CDC42SE2: variants seen among roughly 807,000 people sequenced by gnomAD.
CDC42SE2 encodes the protein CDC42 small effector protein 2.
CDC42SE2 carries 3 observed loss-of-function variants against 11.5 expected under a neutral mutation model. That is an observed-to-expected ratio of 0.26 (90% CI 0.12 to 0.67). The LOEUF is 0.67. CDC42SE2 is among the 30% of genes least tolerant of loss of function. The probability of loss-of-function intolerance (pLI) is 0.80; values close to 1 mark genes in which losing one functional copy is unlikely to be tolerated. For synonymous variants in CDC42SE2, 33 were observed against 34.8 expected (o/e 0.95, Z 0.18); for missense variants, 82 against 106.8 (o/e 0.77, Z 1.02).
At chr5:131,319,089 G>A (rs1050811801) in intron 2 of CDC42SE2, among the ~76,000 whole-genome samples, 1 of 152,134 alleles carries the variant, frequency 6.6e-6, no homozygotes, top group Admixed American at 6.6e-5. Flanking sequence ...ATTTTTAGTA[G>A]AGACGGGGTT....
At position 131,247,216 on chromosome 5, in the gene CDC42SE2, G is replaced by A. The variant is rs556008962; in HGVS notation, n.107+1617G>A. 4.5e-4 allele frequency among the ~76,000 whole-genome samples: 68 copies of A among 152,152 alleles called. 1 individual carries two copies. The highest frequency in any genetic ancestry group is 8.7e-4 in the Non-Finnish European group (59 of 68,022). ...ATATTAGCAAATCAAATCCAACAATGTATTTTAAAAAGGTAATATCCTACA... is the reference window on the plus strand; with the variant it reads ...ATATTAGCAAATCAAATCCAACAATATATTTTAAAAAGGTAATATCCTACA... On this transcript the variant is annotated intron_variant and non_coding_transcript_variant, in intron 1 of 3. Transcript: ENST00000502840.
At chr5:131,246,467 T>C (rs1756584341) in intron 1 of CDC42SE2, among the ~76,000 whole-genome samples, 3 of 152,138 alleles carry the variant, frequency 2.0e-5, no homozygotes, top group Middle Eastern at 3.4e-3. Flanking sequence ...AAAAATAAAA[T>C]AAAATAAAAA....
At chr5:131,254,239 T>A (rs1034226543) in intron 1 of CDC42SE2, among the ~76,000 whole-genome samples, 1 of 152,048 alleles carries the variant, frequency 6.6e-6, no homozygotes, top group East Asian at 1.9e-4. Flanking sequence ...TTTTCACATG[T>A]GTATAGAAAT....
rs1750634321 is a variant in CDC42SE2 at position 131,390,987 on chromosome 5, T to C, written c.157-6T>C. ...TTTGTTTTGTTGTATTTTTGTCTTG[T>C]TTTAGGTTAGCTCCATTCAGAACCA... On this transcript the variant is annotated splice_polypyrimidine_tract_variant and splice_region_variant and intron_variant, in intron 4 of 4. Transcript: ENST00000505065. 1 of 1,602,678 alleles carries C rather than the reference T, an allele frequency of 6.2e-7. No individual in the cohort carries two copies.
chr5:131,391,113 G>A lies in CDC42SE2; in HGVS notation c.*22G>A. Reference sequence around the variant, plus strand: ...ATAGCCCTGGTCCTTTCTCCAGTGAGTACTCAGAGCTGGGGTCTGGACCTG... The same window carrying A: ...ATAGCCCTGGTCCTTTCTCCAGTGAATACTCAGAGCTGGGGTCTGGACCTG... On this transcript the variant is annotated 3_prime_UTR_variant, in exon 5 of 5. Coordinates refer to ENST00000505065, the MANE Select transcript of CDC42SE2 (RefSeq NM_001375635.1). The A allele has an allele frequency of 6.3e-7, 1 of 1,583,042 alleles. No individual in the cohort carries two copies. Among genetic ancestry groups the A allele is most frequent in the Non-Finnish European group, 8.7e-7 (1 of 1,153,248 alleles).
At chr5:131,281,173 T>A (rs1299929521) in intron 1 of CDC42SE2, among the ~76,000 whole-genome samples, 1 of 152,236 alleles carries the variant, frequency 6.6e-6, no homozygotes, top group Non-Finnish European at 1.5e-5. Flanking sequence ...TTCATTTTTA[T>A]TGTTCTTAAC....
At chr5:131,302,106 A>G (rs1275384653) in intron 1 of CDC42SE2, among the ~76,000 whole-genome samples, 1 of 152,030 alleles carries the variant, frequency 6.6e-6, no homozygotes, top group Non-Finnish European at 1.5e-5. Context: ...TCCCCGGCTC[A>G]AGCGATTCTC....
At chr5:131,351,496 C>T (rs980890981) in intron 2 of CDC42SE2, among the ~76,000 whole-genome samples, 10 of 152,036 alleles carry the variant, frequency 6.6e-5, no homozygotes, top group Non-Finnish European at 1.5e-5. Flanking sequence ...CCTTGTGATC[C>T]GCCCGCCTTG....
intron 2 of CDC42SE2, among the ~76,000 whole-genome samples, chr5:131,258,002 C>G (rs896338507): frequency 1.3e-5 from 2 of 152,174 alleles, no homozygotes; most frequent in African/African-American, 4.8e-5. Flanking sequence ...CTCTGCAGCC[C>G]TGGTGCTGAG....
chr5:131,234,866 C>T, the CDC42SE2 span, among the ~76,000 whole-genome samples: 42 of 151,006 alleles, frequency 2.8e-4, no homozygotes, highest in African/African-American at 1.0e-3. Context: ...GGCCCCTCAG[C>T]AGATTGCATG....
intron 3 of CDC42SE2, 98 bp downstream of exon 3, chr5:131,359,645 C>T (rs1749651921): frequency 1.2e-6 from 1 of 859,462 alleles, no homozygotes. Context: ...AATTGCAAAG[C>T]AGTTGTAGAG....
rs1326959709 is a variant in CDC42SE2 at position 131,264,059 on chromosome 5, C to G, written c.-562C>G. On this transcript the variant is annotated 5_prime_UTR_variant, in exon 1 of 5. Coordinates refer to ENST00000505065, the MANE Select transcript of CDC42SE2 (RefSeq NM_001375635.1). ...TGGGCGGGGAGGGGGAGCCAGGAAGCTGCGAGCGCGCTGGGGAGCGCAGCT... is the reference window on the plus strand; with the variant it reads ...TGGGCGGGGAGGGGGAGCCAGGAAGGTGCGAGCGCGCTGGGGAGCGCAGCT... 5 of 151,948 alleles carry G rather than the reference C, an allele frequency of 3.3e-5. No individual in the cohort carries two copies. Among genetic ancestry groups the G allele is most frequent in the Admixed American group, 2.6e-4 (4 of 15,260 alleles). The allele number at this position is 151,948 out of a possible 1,614,324, so 9.4% of individuals were successfully genotyped here. A position where few individuals can be genotyped will look rare whatever the true frequency, so the allele number is the denominator to read the frequency against.
chr5:131,221,228 G>C, the CDC42SE2 span, among the ~76,000 whole-genome samples: 1 of 151,844 alleles, frequency 6.6e-6, no homozygotes, highest in South Asian at 2.1e-4. Context: ...GCCACATGCA[G>C]CACAGGATGA....
In CDC42SE2 at chr5:131,392,154, T is replaced by C. The variant is rs1197825462; in HGVS notation, c.*1063T>C. ...CTAACACCATTTTGCAGTTTTTTTT[T>C]TCTATTTTAAACATTTTTCTTTTCA... On this transcript the variant is annotated 3_prime_UTR_variant, in exon 5 of 5. Coordinates refer to ENST00000505065, the MANE Select transcript of CDC42SE2 (RefSeq NM_001375635.1). The C allele has an allele frequency of 6.5e-6, 1 of 152,744 alleles. No homozygotes were observed. The highest frequency in any genetic ancestry group is 6.5e-5 in the Admixed American group (1 of 15,280). 9.5% of individuals were successfully genotyped at this position (152,744 alleles called of 1,614,324 possible).
At chr5:131,263,951 T>A (rs929873254), upstream of CDC42SE2, 3 of 151,312 alleles carry the variant, frequency 2.0e-5, no homozygotes, top group South Asian at 2.1e-4. Flanking sequence ...CTGCGGTCGC[T>A]GCAGCTGCGC....
chr5:131,382,683 C>G (rs553179705), intron 3 of CDC42SE2, among the ~76,000 whole-genome samples: 1 of 152,276 alleles, frequency 6.6e-6, no homozygotes, highest in East Asian at 1.9e-4. Context: ...TTACTGCAAA[C>G]GCCTGGGGAA....
chr5:131,324,201 G>A (rs765755743), intron 2 of CDC42SE2, among the ~76,000 whole-genome samples: 10 of 152,152 alleles, frequency 6.6e-5, no homozygotes, highest in Non-Finnish European at 1.2e-4. Context: ...ATATCCAGCT[G>A]TAGCCTGTGA....
intron 1 of CDC42SE2, among the ~76,000 whole-genome samples, chr5:131,296,646 A>G (rs1757575816): frequency 6.6e-6 from 1 of 151,946 alleles, no homozygotes; most frequent in African/African-American, 2.4e-5. Flanking sequence ...GGCCCACTCT[A>G]CTCCAGTATG....
At chr5:131,310,047 A>C (rs1449915637) in intron 1 of CDC42SE2, among the ~76,000 whole-genome samples, 1 of 151,810 alleles carries the variant, frequency 6.6e-6, no homozygotes, top group African/African-American at 2.4e-5. Context: ...TTAGGGTGTC[A>C]ATTTTGGATC....
Sources: allele counts gnomAD v4.1 joint callset (sites outside exome capture counted in the v4.1 genomes callset), GRCh38; gene constraint gnomAD v4.1.1; transcripts MANE v1.5; gene names NCBI Gene and HGNC (gene_info 2026-07-23, HGNC 2026-07-21).